ABCG8: variants seen among roughly 807,000 people sequenced by gnomAD.
ABCG8 encodes the protein ATP binding cassette subfamily G member 8.
In ABCG8, 81 loss-of-function variants were observed where a neutral mutation model predicts 71.3. The ratio of observed to expected loss-of-function variants is 1.14; its 90% confidence interval spans 0.95 to 1.37. The LOEUF is 1.37. Ranked by LOEUF, ABCG8 falls within the 40% of genes most tolerant of loss-of-function variation. ABCG8 has a pLI of 0.00. For missense variants in ABCG8, 1,119 were observed against 866.2 expected, an observed-to-expected ratio of 1.29 and a Z score of -3.66; for synonymous variants, 451 against 354.7, an observed-to-expected ratio of 1.27 and a Z score of -3.05.
At chr2:43,862,741 C>A (rs1288917282) in intron 6 of ABCG8, among the ~76,000 whole-genome samples, 6 of 150,564 alleles carry the variant, frequency 4.0e-5, no homozygotes, top group Non-Finnish European at 8.9e-5. Context: ...ATAGAACTCT[C>A]ACGATCTGGG....
At chr2:43,867,390 T>C (rs891512441) in intron 6 of ABCG8, among the ~76,000 whole-genome samples, 3 of 152,098 alleles carry the variant, frequency 2.0e-5, no homozygotes, top group Non-Finnish European at 4.4e-5. Context: ...GAACTCTCAC[T>C]ATCTGGATAA....
chr2:43,871,477 T>C (rs1669772168), intron 6 of ABCG8, among the ~76,000 whole-genome samples: 1 of 152,194 alleles, frequency 6.6e-6, no homozygotes, highest in Non-Finnish European at 1.5e-5. Flanking sequence ...GCTATCTGGA[T>C]AGAATTCTCA....
chr2:43,859,803 G>A (rs533865312), intron 6 of ABCG8, among the ~76,000 whole-genome samples: 3 of 149,506 alleles, frequency 2.0e-5, no homozygotes, highest in East Asian at 2.0e-4. Flanking sequence ...CTCACTATCC[G>A]TCTGGATAGA....
At chr2:43,870,609 C>G (rs1016000449) in intron 6 of ABCG8, among the ~76,000 whole-genome samples, 1 of 152,004 alleles carries the variant, frequency 6.6e-6, no homozygotes, top group African/African-American at 2.4e-5. Context: ...GGAATTCTCA[C>G]TCTCTGGATA....
At position 43,877,672 on chromosome 2, in the gene ABCG8, C is replaced by G. The variant is rs769972832; in HGVS notation, c.1868C>G (p.Ala623Gly). The G allele has an allele frequency of 6.2e-7, 1 of 1,614,102 alleles. No individual in the cohort carries two copies. ...YKMPLGNLTI[A>G]VSGDKILSVM... ...ATGCCTCTCGGGAACCTCACCATCG[C>G]GGTCTCAGGAGATAAAGTAAGCGGG... The change falls in exon 12 of 13, where the codon GCG becomes GGG. Residue 623 changes from alanine (A) to glycine (G), a missense_variant. By Grantham distance (60) the Ala-to-Gly change is moderately conservative (BLOSUM62 0). Coordinates refer to ENST00000272286, the MANE Select transcript of ABCG8 (RefSeq NM_022437.3).
chr2:43,881,603 G>A lies in ABCG8; in HGVS notation c.*3690G>A, dbSNP rs1156480800. 3 of 152,160 alleles carry A rather than the reference G, an allele frequency of 2.0e-5. No homozygotes were observed. The highest frequency in any genetic ancestry group is 1.3e-4 in the Admixed American group (2 of 15,272). 9.4% of individuals were successfully genotyped at this position (152,160 alleles called of 1,614,324 possible). A position where few individuals can be genotyped will look rare whatever the true frequency, so the allele number is the denominator to read the frequency against. ...GCGTGCCTGTAGTTCCAGCTACTTG[G>A]GAGGTTGAGGCAGGAGAATCGCTTG... On this transcript the variant is annotated 3_prime_UTR_variant, in exon 13 of 13. Transcript: ENST00000272286.
In ABCG8 at chr2:43,849,762, C is replaced by CTGGCTATTTT. The variant is rs1194766185; in HGVS notation, c.323-1821_323-1812dup. The stretch of plus-strand genomic sequence containing the variant: ...GAAGCTTCTCTCCCAGGTTTCTCTC[C>CTGGCTATTTT]TGGCTATTTTGTTCCACTCATGTTC... On this transcript the variant is annotated intron_variant, in intron 3 of 12. Transcript: ENST00000272286. Among the ~76,000 whole-genome samples, 10 of 152,284 alleles carry CTGGCTATTTT rather than the reference C, an allele frequency of 6.6e-5. No individual in the cohort carries two copies. In the East Asian group the frequency reaches 1.7e-3, roughly 26 times the overall value.
intron 6 of ABCG8, among the ~76,000 whole-genome samples, chr2:43,865,681 CTGGATAGAACTCTCAATATCTATG>C (rs1277962187): frequency 1.2e-4 from 18 of 150,416 alleles, no homozygotes; most frequent in Non-Finnish European, 2.4e-4. Flanking sequence ...TTCTCACTGT[CTGGATAGAACTCTCAATATCTATG>C]TGGATAGAAC....
At position 43,851,652 on chromosome 2, in the gene ABCG8, C is replaced by A; in HGVS notation, c.391C>A (p.Gln131Lys). The change falls in exon 4 of 13, where the codon CAG (glutamine) becomes AAG (lysine). Residue 131 changes from glutamine (Q) to lysine (K), a missense_variant. Transcript: ENST00000272286. ...RGHGGKIKSG[Q>K]IWINGQPSSP... ...TCACGGCGGCAAGATCAAGTCAGGCCAGATCTGGATCAATGGGCAGCCCAG... is the reference window on the plus strand; with the variant it reads ...TCACGGCGGCAAGATCAAGTCAGGCAAGATCTGGATCAATGGGCAGCCCAG... 6.2e-7 allele frequency: 1 copy of A among 1,614,216 alleles called. No homozygotes were observed. The highest frequency in any genetic ancestry group is 8.5e-7 in the Non-Finnish European group (1 of 1,180,040).
At position 43,852,238 on chromosome 2, in the gene ABCG8, C is replaced by G. The variant is rs538044461; in HGVS notation, c.562-116C>G. 1.2e-3 allele frequency: 1,714 copies of G among 1,413,408 alleles called. 4 individuals are homozygous for G. Among genetic ancestry groups the G allele is most frequent in the Non-Finnish European group, 1.6e-3 (1,654 of 1,012,840 alleles). 87.6% of individuals were successfully genotyped at this position (1,413,408 alleles called of 1,614,324 possible). A position where few individuals can be genotyped will look rare whatever the true frequency, so the allele number is the denominator to read the frequency against. ...CTTGGAACTCAAGTGCTGGAGCTGTCTCCCTTCACTTTCAAACCCAGCCGG... is the reference window on the plus strand; with the variant it reads ...CTTGGAACTCAAGTGCTGGAGCTGTGTCCCTTCACTTTCAAACCCAGCCGG... On this transcript the variant is annotated intron_variant, in intron 4 of 12. Coordinates refer to ENST00000272286, the MANE Select transcript of ABCG8 (RefSeq NM_022437.3).
In ABCG8 at chr2:43,846,163, G is replaced by C; in HGVS notation, c.174G>C (p.Leu58=). 1 of 1,613,388 alleles carries C rather than the reference G, an allele frequency of 6.2e-7. No homozygotes were observed. The change falls in exon 3 of 13, where the codon CTG becomes CTC. Residue 58 remains leucine (L), a synonymous_variant. Transcript: ENST00000272286. Reference sequence around the variant, plus strand: ...CTGATATCTCCCCACAGGTGGACCTGGCCTCTCAGGTCCCTTGGTTTGAGC... The same window carrying C: ...CTGATATCTCCCCACAGGTGGACCTCGCCTCTCAGGTCCCTTGGTTTGAGC... ...EVRDLNYQVD[L]ASQVPWFEQL...
intron 10 of ABCG8, 22 bp downstream of exon 10, chr2:43,874,505 C>T (rs1669892196): frequency 2.0e-6 from 3 of 1,498,718 alleles, no homozygotes; most frequent in African/African-American, 1.6e-5. Flanking sequence ...GGGTTGAGAG[C>T]AAGTGCCCCC....
Position 43,851,572 on chromosome 2 carries a change from G to A in ABCG8, c.323-12G>A, listed in dbSNP as rs762460313. 2.5e-6 allele frequency: 4 copies of A among 1,614,184 alleles called. No individual in the cohort carries two copies. The South Asian group carries it at 4.4e-5, about 18-fold the overall frequency. Reference sequence around the variant, plus strand: ...AGCTCCGCTCTCAGGGATATCCCTGGTGGCTTTGCAGGTTGTGGGAGAGCC... The same window carrying A: ...AGCTCCGCTCTCAGGGATATCCCTGATGGCTTTGCAGGTTGTGGGAGAGCC... On this transcript the variant is annotated splice_polypyrimidine_tract_variant and intron_variant, in intron 3 of 12. Transcript: ENST00000272286.
chr2:43,872,399 A>T, intron 8 of ABCG8, 93 bp downstream of exon 8: 3 of 1,381,158 alleles, frequency 2.2e-6, no homozygotes, highest in Non-Finnish European at 3.0e-6. Flanking sequence ...AATTTAAAGG[A>T]GAAAGTGAGA....
At position 43,878,340 on chromosome 2, in the gene ABCG8, C is replaced by A; in HGVS notation, c.*427C>A. The A allele has an allele frequency of 3.4e-6, 1 of 293,274 alleles. No individual in the cohort carries two copies. The highest frequency in any genetic ancestry group is 6.7e-6 in the Non-Finnish European group (1 of 148,572). The allele number at this position is 293,274 out of a possible 1,614,324, so 18.2% of individuals were successfully genotyped here. A position where few individuals can be genotyped will look rare whatever the true frequency, so the allele number is the denominator to read the frequency against. ...TTCATCTTCCAGGGGCCCCACACTC[C>A]GTGGTGAGCCACCATCAATACAGAA... is the stretch of plus-strand genomic sequence containing the variant. On this transcript the variant is annotated 3_prime_UTR_variant, in exon 13 of 13. Transcript: ENST00000272286.
Position 43,881,726 on chromosome 2 carries a change from C to A in ABCG8, c.*3813C>A, listed in dbSNP as rs112386902. 0.41 allele frequency: 58,091 copies of A among 143,036 alleles called. 12,963 individuals are homozygous for A. The highest frequency in any genetic ancestry group is 0.58 in the African/African-American group (22,393 of 38,886). The allele number at this position is 143,036 out of a possible 1,614,324, so 8.9% of individuals were successfully genotyped here. Reference sequence around the variant, plus strand: ...CTGTCTCAAAAAAAAAAAAAAAAAACCCAAGGCTCTCGAGGCATGCATGCT... The same window carrying A: ...CTGTCTCAAAAAAAAAAAAAAAAAAACCAAGGCTCTCGAGGCATGCATGCT... On this transcript the variant is annotated 3_prime_UTR_variant, in exon 13 of 13. Transcript: ENST00000272286.
At chr2:43,876,249 C>T (rs966272222) in intron 11 of ABCG8, among the ~76,000 whole-genome samples, 17 of 152,202 alleles carry the variant, frequency 1.1e-4, no homozygotes, top group African/African-American at 4.1e-4. Context: ...CGGCCCCAGT[C>T]CATGTCCCCA....
chr2:43,849,654 C>T (rs994963899), intron 3 of ABCG8, among the ~76,000 whole-genome samples: 4 of 152,154 alleles, frequency 2.6e-5, no homozygotes, highest in East Asian at 1.9e-4. Context: ...GCTCAGAAAA[C>T]GTGGCCTTCC....
At chr2:43,867,789 G>A (rs574681267) in intron 6 of ABCG8, among the ~76,000 whole-genome samples, 3 of 150,480 alleles carry the variant, frequency 2.0e-5, no homozygotes, top group African/African-American at 7.3e-5. Flanking sequence ...CTCACCATCT[G>A]GATAGAACTG....
Sources: allele counts gnomAD v4.1 joint callset (sites outside exome capture counted in the v4.1 genomes callset), GRCh38; gene constraint gnomAD v4.1.1; transcripts MANE v1.5; gene names NCBI Gene and HGNC (gene_info 2026-07-23, HGNC 2026-07-21).